Variants in SCGN observed in about 807,000 individuals in gnomAD.
SCGN encodes secretagogin.
A neutral mutation model predicts 39.7 loss-of-function variants in SCGN; 30 were observed. That is an observed-to-expected ratio of 0.76 (90% confidence interval 0.57 to 1.03). The LOEUF is 1.03. Ranked by LOEUF, SCGN falls within the 50% of genes least tolerant of loss-of-function variation. SCGN has a pLI of 0.00. For missense variants in SCGN, 353 were observed against 349.4 expected (o/e 1.01, Z -0.08); for synonymous variants, 106 against 114.1 (o/e 0.93, Z 0.45).
At chr6:25,692,114 C>T (rs1305529534) in intron 10 of SCGN, among the ~76,000 whole-genome samples, 3 of 152,186 alleles carry the variant, frequency 2.0e-5, no homozygotes, top group Admixed American at 6.5e-5. Context: ...TCACTTGTTG[C>T]TCCTGTTGGA....
intron 7 of SCGN, among the ~76,000 whole-genome samples, chr6:25,683,543 A>G (rs1759664978): frequency 6.6e-6 from 1 of 152,228 alleles, no homozygotes; most frequent in Admixed American, 6.5e-5. Flanking sequence ...ATACAATGCT[A>G]AAATAACTAA....
chr6:25,680,134 T>C lies in SCGN; in HGVS notation c.472-1817T>C, dbSNP rs1759621177. On this transcript the variant is annotated intron_variant, in intron 6 of 10. Coordinates refer to ENST00000377961, the MANE Select transcript of SCGN (RefSeq NM_006998.4). ...ATTGAGCCCTCATAAATGGTCTTTA[T>C]TATAGTTTAAAAATTAAGAAGCCAT... Among the ~76,000 whole-genome samples the C allele has an allele frequency of 5.3e-5, 8 of 152,212 alleles. 1 individual carries two copies. In the South Asian group the frequency reaches 1.7e-3, roughly 32 times the overall value.
chr6:25,669,659 A>G, intron 5 of SCGN, 92 bp downstream of exon 5: 1 of 1,027,594 alleles, frequency 9.7e-7, no homozygotes, highest in South Asian at 1.3e-5. Flanking sequence ...CCCAAGAAAG[A>G]TGTATTTGAA....
intron 10 of SCGN, among the ~76,000 whole-genome samples, chr6:25,700,194 G>T (rs1298303057): frequency 7.3e-6 from 1 of 136,994 alleles, no homozygotes; most frequent in Non-Finnish European, 1.5e-5. Context: ...GCAGTGAGCC[G>T]AGATCACTGC....
chr6:25,661,489 C>A, intron 2 of SCGN, 63 bp from the exon 3 acceptor site: 9 of 1,082,132 alleles, frequency 8.3e-6, no homozygotes, highest in Non-Finnish European at 1.3e-5. Context: ...TGAATATTTG[C>A]CATCCTAACT....
At chr6:25,679,509 G>A (rs539566926) in intron 6 of SCGN, among the ~76,000 whole-genome samples, 1 of 152,288 alleles carries the variant, frequency 6.6e-6, no homozygotes, top group Non-Finnish European at 1.5e-5. Flanking sequence ...GGGGATTGAA[G>A]GGGAGCTGGG....
intron 5 of SCGN, 86 bp from the exon 6 acceptor site, chr6:25,669,913 T>A: frequency 9.3e-7 from 1 of 1,075,456 alleles, no homozygotes; most frequent in Non-Finnish European, 1.4e-6. Context: ...AACAAGCAAC[T>A]CACAATTCTT....
rs74413482 is a variant in SCGN, at chr6:25,662,997, C to T, written c.246+1353C>T. Reference sequence around the variant, plus strand: ...AACTGAAAACTATGTCATTATCTTACTAACAACAGATAGACATTCCCAAGT... The same window carrying T: ...AACTGAAAACTATGTCATTATCTTATTAACAACAGATAGACATTCCCAAGT... On this transcript the variant is annotated intron_variant, in intron 3 of 10. Coordinates refer to ENST00000377961, the MANE Select transcript of SCGN (RefSeq NM_006998.4). Among the ~76,000 whole-genome samples the T allele has an allele frequency of 7.2e-5, 11 of 152,322 alleles. No homozygotes were observed. The East Asian group carries it at 2.1e-3, about 29-fold the overall frequency.
chr6:25,698,412 A>T (rs1207151557), intron 10 of SCGN, among the ~76,000 whole-genome samples: 2 of 152,244 alleles, frequency 1.3e-5, no homozygotes, highest in East Asian at 3.8e-4. Context: ...AGGTAAATAC[A>T]TTGGCAAATT....
At chr6:25,689,337 A>G (rs1759747288) in intron 8 of SCGN, 120 bp downstream of exon 8, 3 of 1,150,138 alleles carry the variant, frequency 2.6e-6, no homozygotes, top group Non-Finnish European at 3.8e-6. Flanking sequence ...TAGAAAACAG[A>G]CAAGGATCAG....
intron 7 of SCGN, among the ~76,000 whole-genome samples, chr6:25,684,124 A>G (rs1759672519): frequency 6.6e-6 from 1 of 152,174 alleles, no homozygotes; most frequent in Non-Finnish European, 1.5e-5. Flanking sequence ...GCATGAGTCT[A>G]AACACTCTGT....
rs189151332 is a variant in SCGN at position 25,692,685 on chromosome 6, G to A, written c.702+1561G>A. Among the ~76,000 whole-genome samples the A allele has an allele frequency of 2.0e-5, 3 of 152,290 alleles. No homozygotes were observed. In the East Asian group the frequency reaches 5.8e-4, roughly 29 times the overall value. On this transcript the variant is annotated intron_variant, in intron 10 of 10. Transcript: ENST00000377961. ...CAGTCTTGTGGCATCCCACGTCTTC[G>A]CCAGGCTGTGGGAGGCAGCTGGGCT... is the stretch of plus-strand genomic sequence containing the variant.
chr6:25,696,304 C>T (rs551910771), intron 10 of SCGN, among the ~76,000 whole-genome samples: 56 of 152,202 alleles, frequency 3.7e-4, no homozygotes, highest in African/African-American at 1.3e-3. Context: ...TGACTGTGAA[C>T]TGACTTTTCT....
intron 6 of SCGN, among the ~76,000 whole-genome samples, chr6:25,673,178 G>A (rs979511349): frequency 6.6e-6 from 1 of 152,168 alleles, no homozygotes; most frequent in South Asian, 2.1e-4. Flanking sequence ...TTATGACCCT[G>A]TGCCCCTATT....
intron 6 of SCGN, among the ~76,000 whole-genome samples, chr6:25,675,159 C>T (rs913712076): frequency 7.9e-5 from 12 of 152,190 alleles, no homozygotes; most frequent in African/African-American, 2.9e-4. Context: ...GAGACTTTCC[C>T]AGCACTCCCT....
intron 3 of SCGN, 94 bp from the exon 4 acceptor site, chr6:25,664,849 C>T: frequency 2.3e-6 from 2 of 862,504 alleles, no homozygotes; most frequent in Admixed American, 2.0e-5. Flanking sequence ...GCCCTTCTGC[C>T]CTGGAATATG....
Position 25,664,961 on chromosome 6 carries a change from T to A in SCGN, c.265T>A (p.Ser89Thr), listed in dbSNP as rs1239478313. The change falls in exon 4 of 11, where the codon TCT becomes ACT. Residue 89 changes from serine to threonine, a missense_variant. Coordinates refer to ENST00000377961, the MANE Select transcript of SCGN (RefSeq NM_006998.4). ...CCTTCAGCTTGCTGGTATGTTCTTATCTGAGGATGAAAACTTTCTTCTGCT... is the reference window on the plus strand; with the variant it reads ...CCTTCAGCTTGCTGGTATGTTCTTAACTGAGGATGAAAACTTTCTTCTGCT... The part of the protein sequence containing the change: ...RMKELAGMFL[S>T]EDENFLLLFR... 1 of 1,613,906 alleles carries A rather than the reference T, an allele frequency of 6.2e-7. No homozygotes were observed. Among genetic ancestry groups the A allele is most frequent in the Admixed American group, 1.7e-5 (1 of 60,024 alleles).
At chr6:25,697,979 A>T (rs1029964685) in intron 10 of SCGN, among the ~76,000 whole-genome samples, 1 of 152,230 alleles carries the variant, frequency 6.6e-6, no homozygotes, top group Admixed American at 6.5e-5. Flanking sequence ...TGATGAAAGT[A>T]GATACAACCT....
chr6:25,663,104 A>G (rs1760366075), intron 3 of SCGN, among the ~76,000 whole-genome samples: 2 of 152,204 alleles, frequency 1.3e-5, no homozygotes, highest in African/African-American at 4.8e-5. Context: ...ATGGTGCAAG[A>G]CTGCATCGTT....
Sources: gnomAD v4.1 joint callset for allele counts (sites outside exome capture counted in the v4.1 genomes callset) on GRCh38, gnomAD v4.1.1 for gene constraint, MANE v1.5 for transcripts, NCBI Gene and HGNC (gene_info 2026-07-23, HGNC 2026-07-21) for gene names.